Variants in ABCA3 observed in about 807,000 individuals in gnomAD.
ABCA3 encodes ATP binding cassette subfamily A member 3, also known as phospholipid-transporting ATPase ABCA3.
Under a neutral mutation model 172.8 loss-of-function variants are expected in ABCA3, and 88 were observed. That is an observed-to-expected ratio of 0.51 (90% CI 0.43 to 0.61). The LOEUF (loss-of-function observed/expected upper bound fraction) is 0.61. Among genes scored for constraint, ABCA3 ranks in the 20% least tolerant of loss-of-function variants. The pLI is 0.00. For missense variants in ABCA3, 2,164 were observed against 2,301.0 expected, an observed-to-expected ratio of 0.94 and a Z score of 1.22; for synonymous variants, 1,066 against 983.8, an observed-to-expected ratio of 1.08 and a Z score of -1.56.
chr16:2,283,445 C>T lies in ABCA3; in HGVS notation c.3863-87G>A. 2 of 1,474,278 alleles carry T rather than the reference C, an allele frequency of 1.4e-6. No individual in the cohort carries two copies. Among genetic ancestry groups the T allele is most frequent in the Non-Finnish European group, 9.2e-7 (1 of 1,081,648 alleles). The allele number at this position is 1,474,278 out of a possible 1,614,324, so 91.3% of individuals were successfully genotyped here. A position where few individuals can be genotyped will look rare whatever the true frequency, so the allele number is the denominator to read the frequency against. On this transcript the variant is annotated intron_variant, in intron 25 of 32. Transcript: ENST00000301732. The surrounding 1 kb of genome is among the most constrained non-coding windows in gnomAD (Gnocchi z 5.4). ...CCCGGCCCCCACTCCCCTCCCCAGG[C>T]TGCTCAAGGCGCCTGTAACAATGTC...
chr16:2,280,636 C>T (rs778872029), intron 28 of ABCA3, among the ~76,000 whole-genome samples: 11 of 152,132 alleles, frequency 7.2e-5, no homozygotes, highest in Non-Finnish European at 1.2e-4. Flanking sequence ...GGTCCTTCTG[C>T]GGGGGAGCTG....
At chr16:2,289,745 T>C in intron 19 of ABCA3, 125 bp from the exon 20 acceptor site, 1 of 996,920 alleles carries the variant, frequency 1.0e-6, no homozygotes. Context: ...ATGCATCTGC[T>C]TATGTGTTTC....
chr16:2,297,651 G>T lies in ABCA3; in HGVS notation c.2053-112C>A. The T allele has an allele frequency of 6.3e-7, 1 of 1,588,568 alleles. No individual in the cohort carries two copies. Among genetic ancestry groups the T allele is most frequent in the Non-Finnish European group, 8.5e-7 (1 of 1,170,982 alleles). ...CGCGGAGCCGGCTTGAGTCCTCCAA[G>T]GATGGTGATGGCCTTGTCTGGGGTG... On this transcript the variant is annotated intron_variant, in intron 16 of 32. Coordinates refer to ENST00000301732, the MANE Select transcript of ABCA3 (RefSeq NM_001089.3). The surrounding 1 kb of genome is among the most constrained non-coding windows in gnomAD (Gnocchi z 5.6).
intron 3 of ABCA3, among the ~76,000 whole-genome samples, chr16:2,326,814 C>T (rs188584147): frequency 3.5e-3 from 534 of 152,242 alleles, no homozygotes; most frequent in Non-Finnish European, 5.7e-3. Flanking sequence ...ATGGTGAAAC[C>T]CCGTCTCTAC....
intron 10 of ABCA3, among the ~76,000 whole-genome samples, chr16:2,316,206 G>A (rs779981167): frequency 1.6e-4 from 24 of 147,636 alleles, no homozygotes; most frequent in Non-Finnish European, 3.3e-4. Flanking sequence ...TACTCAGAAG[G>A]CTGAGGCTGG....
chr16:2,276,283 G>A lies in ABCA3; in HGVS notation c.*391C>T, dbSNP rs906475253. ...CTGGCTTCCCGCTTCCTCCCCAGGGGAGATTAGTGTCGTGTGTAAACTTGG... is the reference window on the plus strand; with the variant it reads ...CTGGCTTCCCGCTTCCTCCCCAGGGAAGATTAGTGTCGTGTGTAAACTTGG... On this transcript the variant is annotated 3_prime_UTR_variant, in exon 33 of 33. Coordinates refer to ENST00000301732, the MANE Select transcript of ABCA3 (RefSeq NM_001089.3). The A allele has an allele frequency of 4.3e-6, 2 of 461,364 alleles. No individual in the cohort carries two copies. Among genetic ancestry groups the A allele is most frequent in the African/African-American group, 4.0e-5 (2 of 50,320 alleles). 28.6% of individuals were successfully genotyped at this position (461,364 alleles called of 1,614,324 possible). A position where few individuals can be genotyped will look rare whatever the true frequency, so the allele number is the denominator to read the frequency against.
At position 2,332,684 on chromosome 16, in the gene ABCA3, G is replaced by A; in HGVS notation, c.-538-2830C>T. 6.3e-6 allele frequency: 10 copies of A among 1,593,312 alleles called. No homozygotes were observed. The South Asian group carries it at 1.1e-4, about 18-fold the overall frequency. ...ATGAGACCATTGCCGCGTTTGCAGT[G>A]TGCCACAGCTGTGGCTGTCTTCTTG... On this transcript the variant is annotated intron_variant, in intron 1 of 32. Coordinates refer to ENST00000301732, the MANE Select transcript of ABCA3 (RefSeq NM_001089.3).
chr16:2,310,351 T>C (rs2093704599), intron 10 of ABCA3, among the ~76,000 whole-genome samples: 1 of 151,686 alleles, frequency 6.6e-6, no homozygotes, highest in Admixed American at 6.6e-5. Context: ...GAGGTTGCAG[T>C]GAGCCGAGAT....
intron 8 of ABCA3, among the ~76,000 whole-genome samples, 180 bp downstream of exon 8, chr16:2,319,401 C>T (rs771274136): frequency 5.3e-5 from 8 of 151,552 alleles, no homozygotes; most frequent in Non-Finnish European, 1.2e-4. Context: ...AGGAGAATGG[C>T]GTGAACCCGG....
intron 10 of ABCA3, among the ~76,000 whole-genome samples, chr16:2,312,472 A>T (rs1193861968): frequency 6.6e-6 from 1 of 152,076 alleles, no homozygotes; most frequent in African/African-American, 2.4e-5. Context: ...TCGAGATTTA[A>T]TAAAGTTTTT....
chr16:2,302,263 C>T (rs912631680), intron 12 of ABCA3, among the ~76,000 whole-genome samples: 1 of 152,062 alleles, frequency 6.6e-6, no homozygotes, highest in African/African-American at 2.4e-5. Context: ...CCTCTAGTGC[C>T]GCTGGGTTAA....
intron 5 of ABCA3, 57 bp from the exon 6 acceptor site, chr16:2,324,588 A>G: frequency 6.2e-7 from 1 of 1,600,874 alleles, no homozygotes; most frequent in Non-Finnish European, 8.5e-7. Context: ...TGCTTGAAAA[A>G]TCTGCGTGGT....
At chr16:2,291,680 C>A (rs2093672290) in intron 19 of ABCA3, among the ~76,000 whole-genome samples, 1 of 152,238 alleles carries the variant, frequency 6.6e-6, no homozygotes, top group Non-Finnish European at 1.5e-5. Context: ...GCACTTGGGG[C>A]TCTGACGGCG....
chr16:2,288,381 T>C, intron 20 of ABCA3, 52 bp from the exon 21 acceptor site: 1 of 1,521,364 alleles, frequency 6.6e-7, no homozygotes, highest in Non-Finnish European at 8.8e-7. Flanking sequence ...GCCCAGCGCC[T>C]GACCCCCACC....
Position 2,278,467 on chromosome 16 carries a change from A to G in ABCA3, c.4548-9T>C. ...TCCGCTTGTTACCACCACTAGAGGC[A>G]GGAGGGTGCCAGGTGGGGGAATAAG... On this transcript the variant is annotated splice_polypyrimidine_tract_variant and intron_variant, in intron 29 of 32. Transcript: ENST00000301732. This position sits in a 1 kb window ranked among gnomAD's most constrained non-coding sequence, Gnocchi z 4.4. The G allele has an allele frequency of 6.2e-7, 1 of 1,610,782 alleles. No homozygotes were observed.
chr16:2,300,149 C>T lies in ABCA3; in HGVS notation c.1468-1G>A. ...TTGGCTTCCCACACCAATAGGAGGG[C>T]TGGGAGGGAAGCAGACAGCTGTCAG... On this transcript the variant is annotated splice_acceptor_variant, in intron 12 of 32. Transcript: ENST00000301732. LOFTEE classifies it high-confidence loss of function. 1 of 1,613,320 alleles carries T rather than the reference C, an allele frequency of 6.2e-7. No individual in the cohort carries two copies. The highest frequency in any genetic ancestry group is 8.5e-7 in the Non-Finnish European group (1 of 1,179,916).
rs553848674 is a variant in ABCA3, at chr16:2,328,548, G to A, written c.-122C>T. On this transcript the variant is annotated 5_prime_UTR_variant, in exon 3 of 33. Transcript: ENST00000301732. ...GCTCTGAAAACTGAGTGTAAAGAGG[G>A]CGAGGTGTGCAGACGTGGCTGCTCT... is the stretch of plus-strand genomic sequence containing the variant. 1.9e-6 allele frequency: 1 copy of A among 515,954 alleles called. No homozygotes were observed. The highest frequency in any genetic ancestry group is 3.9e-6 in the Non-Finnish European group (1 of 258,734). 32.0% of individuals were successfully genotyped at this position (515,954 alleles called of 1,614,324 possible). A position where few individuals can be genotyped will look rare whatever the true frequency, so the allele number is the denominator to read the frequency against.
At chr16:2,290,732 C>T (rs2093670775) in intron 19 of ABCA3, among the ~76,000 whole-genome samples, 1 of 152,228 alleles carries the variant, frequency 6.6e-6, no homozygotes, top group South Asian at 2.1e-4. Context: ...GGCCTTTTTC[C>T]CTGGGTCTGT....
intron 3 of ABCA3, among the ~76,000 whole-genome samples, chr16:2,326,987 C>CACAA (rs1300311547): frequency 6.6e-6 from 1 of 152,094 alleles, no homozygotes. Context: ...AAGACTCTGC[C>CACAA]ACAAACAAAC....
Sources: gnomAD v4.1 joint callset for allele counts (sites outside exome capture counted in the v4.1 genomes callset) on GRCh38, gnomAD v4.1.1 for gene constraint, Gnocchi (gnomAD v3.1) non-coding constraint, MANE v1.5 for transcripts, NCBI Gene and HGNC (gene_info 2026-07-23, HGNC 2026-07-21) for gene names.